FBXL7: variants seen among roughly 807,000 people sequenced by gnomAD.
FBXL7 encodes F-box and leucine rich repeat protein 7.
Under a neutral mutation model 38.3 loss-of-function variants are expected in FBXL7, and 12 were observed. The ratio of observed to expected loss-of-function variants is 0.31; its 90% CI spans 0.20 to 0.51. The LOEUF is 0.51. FBXL7 is among the 20% of genes least tolerant of loss of function. The pLI is 0.98. For missense variants in FBXL7, 567 were observed against 676.4 expected (o/e 0.84, Z 1.79); for synonymous variants, 297 against 300.9 (o/e 0.99, Z 0.13).
chr5:15,733,104 T>G (rs1016711844), intron 2 of FBXL7, among the ~76,000 whole-genome samples: 1 of 117,772 alleles, frequency 8.5e-6, no homozygotes, highest in African/African-American at 2.9e-5. Context: ...TCTTTCTTTC[T>G]TTTTTTCTTG....
At chr5:15,555,795 ATAGATAG>A (rs1561025887) in intron 1 of FBXL7, among the ~76,000 whole-genome samples, 9 of 150,448 alleles carry the variant, frequency 6.0e-5, no homozygotes, top group Middle Eastern at 3.4e-3. Context: ...AGATAGATAG[ATAGATAG>A]ATAGATAGAT....
chr5:15,570,985 C>T (rs139719617), intron 1 of FBXL7, among the ~76,000 whole-genome samples: 1,987 of 151,058 alleles, frequency 0.013, 50 homozygotes, highest in African/African-American at 0.045. Context: ...CCAGCTACTC[C>T]GGAGGCTGAG....
chr5:15,727,399 T>C (rs967965962), intron 2 of FBXL7, among the ~76,000 whole-genome samples: 3 of 152,244 alleles, frequency 2.0e-5, no homozygotes, highest in African/African-American at 7.2e-5. Context: ...CTGTTGGTAA[T>C]ACATTTTCTC....
chr5:15,759,766 G>T (rs1248980973), intron 2 of FBXL7, among the ~76,000 whole-genome samples: 1 of 152,084 alleles, frequency 6.6e-6, no homozygotes, highest in African/African-American at 2.4e-5. Flanking sequence ...CTGAGAAAAT[G>T]ACAGTGAACA....
At chr5:15,622,242 ACTTTT>A (rs954496006) in intron 2 of FBXL7, among the ~76,000 whole-genome samples, 4 of 151,390 alleles carry the variant, frequency 2.6e-5, no homozygotes, top group Non-Finnish European at 5.9e-5. Context: ...CTTGGGCAGG[ACTTTT>A]CTTTTTTATT....
chr5:15,866,743 T>C (rs916591533), intron 2 of FBXL7, among the ~76,000 whole-genome samples: 1 of 146,262 alleles, frequency 6.8e-6, no homozygotes, highest in Admixed American at 7.0e-5. Flanking sequence ...CTCCCACTTA[T>C]AAGTGAGAAT....
intron 1 of FBXL7, among the ~76,000 whole-genome samples, chr5:15,509,000 T>G (rs1417934389): frequency 6.6e-6 from 1 of 152,172 alleles, no homozygotes; most frequent in African/African-American, 2.4e-5. Context: ...AACACGTAGA[T>G]CTACTAAACT....
In FBXL7 at chr5:15,808,877, G is replaced by T. The variant is rs541633527; in HGVS notation, c.128-119013G>T. ...ATAGCTGTCCTTCAGGCCTCATATG[G>T]GCACCTTTTTAAAAGTCTGCTTGCA... On this transcript the variant is annotated intron_variant, in intron 2 of 3. Coordinates refer to ENST00000504595, the MANE Select transcript of FBXL7 (RefSeq NM_012304.5). Among the ~76,000 whole-genome samples the T allele has an allele frequency of 1.3e-4, 20 of 152,118 alleles. No individual in the cohort carries two copies. In the South Asian group the frequency reaches 3.1e-3, roughly 24 times the overall value.
intron 2 of FBXL7, among the ~76,000 whole-genome samples, chr5:15,784,962 A>G (rs1737096101): frequency 6.6e-6 from 1 of 152,150 alleles, no homozygotes; most frequent in South Asian, 2.1e-4. Flanking sequence ...CACTGCCATC[A>G]TTTTTAAAGG....
chr5:15,554,182 G>C (rs1738166611), intron 1 of FBXL7, among the ~76,000 whole-genome samples: 1 of 152,150 alleles, frequency 6.6e-6, no homozygotes, highest in Non-Finnish European at 1.5e-5. Context: ...GAATGGATTT[G>C]TTGAGGTGGT....
chr5:15,629,666 TC>T (rs1335949576), intron 2 of FBXL7, among the ~76,000 whole-genome samples: 1 of 152,168 alleles, frequency 6.6e-6, no homozygotes, highest in Non-Finnish European at 1.5e-5. Flanking sequence ...ATGGTATCAT[TC>T]CTCCACTTGG....
At chr5:15,828,202 C>T (rs1738364765) in intron 2 of FBXL7, among the ~76,000 whole-genome samples, 1 of 152,130 alleles carries the variant, frequency 6.6e-6, no homozygotes, top group Non-Finnish European at 1.5e-5. Flanking sequence ...ATTTTAAGTG[C>T]CAAGTGTAGT....
intron 1 of FBXL7, among the ~76,000 whole-genome samples, chr5:15,538,707 T>C (rs929707317): frequency 6.6e-6 from 1 of 152,242 alleles, no homozygotes; most frequent in Non-Finnish European, 1.5e-5. Flanking sequence ...GCTATTTAAA[T>C]GCATCTGTTC....
intron 1 of FBXL7, among the ~76,000 whole-genome samples, chr5:15,508,698 TTTTCTC>T (rs1212676379): frequency 3.3e-5 from 5 of 152,198 alleles, no homozygotes; most frequent in Non-Finnish European, 7.4e-5. Flanking sequence ...TGCTGCTACT[TTTTCTC>T]TTTAGTACTT....
At chr5:15,926,377 CA>C in intron 2 of FBXL7, among the ~76,000 whole-genome samples, 1 of 146,454 alleles carries the variant, frequency 6.8e-6, no homozygotes, top group African/African-American at 2.5e-5. Flanking sequence ...TATATAATAT[CA>C]ATGTATATTA....
chr5:15,779,531 G>A lies in FBXL7; in HGVS notation c.128-148359G>A, dbSNP rs16867705. Among the ~76,000 whole-genome samples the A allele has an allele frequency of 7.0e-3, 1,059 of 152,154 alleles. 8 individuals are homozygous for A. The highest frequency in any genetic ancestry group is 0.024 in the African/African-American group (1,004 of 41,524). On this transcript the variant is annotated intron_variant, in intron 2 of 3. Coordinates refer to ENST00000504595, the MANE Select transcript of FBXL7 (RefSeq NM_012304.5). ...AGAAATGGAAAAGAGTGACTTAGCA[G>A]CAGTTATTATCTTGTCTCCAAGAGG...
intron 1 of FBXL7, among the ~76,000 whole-genome samples, chr5:15,529,618 G>A (rs1441204960): frequency 6.6e-6 from 1 of 152,076 alleles, no homozygotes; most frequent in African/African-American, 2.4e-5. Context: ...GCGATCTCCT[G>A]ACCTCGTGAT....
At chr5:15,547,406 C>G (rs1386780810) in intron 1 of FBXL7, among the ~76,000 whole-genome samples, 3 of 152,166 alleles carry the variant, frequency 2.0e-5, no homozygotes, top group Non-Finnish European at 4.4e-5. Flanking sequence ...ACGAAGGGAC[C>G]AGTGTGCAGC....
intron 2 of FBXL7, among the ~76,000 whole-genome samples, chr5:15,884,332 T>C (rs1342682166): frequency 1.3e-5 from 2 of 151,994 alleles, no homozygotes. Context: ...AGTGGTGCGA[T>C]CTCGGCTCAA....
Sources: gnomAD v4.1 joint callset for allele counts (sites outside exome capture counted in the v4.1 genomes callset) on GRCh38, gnomAD v4.1.1 for gene constraint, MANE v1.5 for transcripts, NCBI Gene and HGNC (gene_info 2026-07-23, HGNC 2026-07-21) for gene names.